SPTBN4: variants seen among roughly 807,000 people sequenced by gnomAD.
SPTBN4 encodes spectrin beta, non-erythrocytic 4.
Under a neutral mutation model 277.8 loss-of-function variants are expected in SPTBN4, and 96 were observed. That is an observed-to-expected ratio of 0.35 (90% CI 0.29 to 0.41). The LOEUF (loss-of-function observed/expected upper bound fraction) is 0.41. Among genes scored for constraint, SPTBN4 ranks in the 10% least tolerant of loss-of-function variants. The pLI is 1.00. For missense variants in SPTBN4, 3,006 were observed against 3,595.7 expected (o/e 0.84, Z 4.19); for synonymous variants, 1,481 against 1,580.3 (o/e 0.94, Z 1.49).
At chr19:40,488,189 C>G (rs1300939071) in intron 3 of SPTBN4, among the ~76,000 whole-genome samples, 1 of 150,836 alleles carries the variant, frequency 6.6e-6, no homozygotes, top group Non-Finnish European at 1.5e-5. Flanking sequence ...GGGACTGGCC[C>G]GGGTTATGAG....
intron 7 of SPTBN4, among the ~76,000 whole-genome samples, chr19:40,498,051 A>C (rs1478053392): frequency 6.6e-6 from 1 of 151,274 alleles, no homozygotes; most frequent in African/African-American, 2.4e-5. Flanking sequence ...TTCGGCTCCA[A>C]CTCCATTCCT....
chr19:40,521,753 G>A (rs2080529291), intron 16 of SPTBN4, among the ~76,000 whole-genome samples: 1 of 152,126 alleles, frequency 6.6e-6, no homozygotes, highest in Non-Finnish European at 1.5e-5. Context: ...AGGACAGAGA[G>A]CCCCTGAATC....
At chr19:40,478,162 T>C (rs2079969960) in intron 2 of SPTBN4, among the ~76,000 whole-genome samples, 1 of 152,066 alleles carries the variant, frequency 6.6e-6, no homozygotes, top group Admixed American at 6.6e-5. Flanking sequence ...TAAAGGGCCT[T>C]GCGGGGTACC....
intron 16 of SPTBN4, among the ~76,000 whole-genome samples, chr19:40,521,032 C>T (rs2080520869): frequency 6.6e-6 from 1 of 152,074 alleles, no homozygotes; most frequent in Admixed American, 6.6e-5. Flanking sequence ...TCAAACGATT[C>T]TCCTGCCTCA....
chr19:40,540,753 G>A (rs1348753998), intron 20 of SPTBN4, among the ~76,000 whole-genome samples: 2 of 139,392 alleles, frequency 1.4e-5, no homozygotes, highest in Non-Finnish European at 3.0e-5. Context: ...GGTTGAAGCT[G>A]CAGTGAGCTG....
intron 18 of SPTBN4, chr19:40,530,733 C>A (rs2080658146): frequency 4.2e-6 from 1 of 235,766 alleles, no homozygotes; most frequent in Non-Finnish European, 6.9e-6. Context: ...GGCGCCCGGA[C>A]CCCCACCCTG....
chr19:40,510,339 C>G (rs571272555), intron 13 of SPTBN4, among the ~76,000 whole-genome samples: 1 of 152,000 alleles, frequency 6.6e-6, no homozygotes, highest in Non-Finnish European at 1.5e-5. Flanking sequence ...GAGTCTCACT[C>G]TGTTGCCCAG....
intron 18 of SPTBN4, among the ~76,000 whole-genome samples, chr19:40,532,177 G>A (rs2080682900): frequency 6.6e-6 from 1 of 151,496 alleles, no homozygotes; most frequent in Non-Finnish European, 1.5e-5. Context: ...TCTTGAATTG[G>A]TCCTTATTGG....
At chr19:40,470,739 T>C (rs1294052531) in intron 1 of SPTBN4, among the ~76,000 whole-genome samples, 1 of 151,872 alleles carries the variant, frequency 6.6e-6, no homozygotes, top group Non-Finnish European at 1.5e-5. Context: ...TTCAAACGAT[T>C]CTCCTCCCTC....
intron 1 of SPTBN4, 67 bp from the exon 2 acceptor site, chr19:40,472,540 C>A: frequency 7.0e-7 from 1 of 1,429,874 alleles, no homozygotes; most frequent in Non-Finnish European, 9.4e-7. Context: ...GGGGACAGGA[C>A]TCAAAGCCAG....
intron 27 of SPTBN4, among the ~76,000 whole-genome samples, chr19:40,563,525 T>A (rs1403923220): frequency 6.6e-6 from 1 of 151,982 alleles, no homozygotes; most frequent in African/African-American, 2.4e-5. Context: ...AGTAATACAT[T>A]TTTATTTAAC....
At chr19:40,573,005 G>A (rs890305728) in intron 35 of SPTBN4, among the ~76,000 whole-genome samples, 3 of 151,618 alleles carry the variant, frequency 2.0e-5, no homozygotes, top group African/African-American at 7.3e-5. Context: ...GACAGTGGGG[G>A]TCTAAAAAAA....
intron 20 of SPTBN4, among the ~76,000 whole-genome samples, chr19:40,537,236 G>A (rs1011833323): frequency 6.6e-6 from 1 of 152,038 alleles, no homozygotes; most frequent in African/African-American, 2.4e-5. Context: ...TCTCGAACTC[G>A]TGGCCTCAGG....
At chr19:40,562,967 T>C (rs570096379) in intron 27 of SPTBN4, among the ~76,000 whole-genome samples, 106 of 152,110 alleles carry the variant, frequency 7.0e-4, no homozygotes, top group Non-Finnish European at 1.3e-3. Context: ...ATCCCAACAC[T>C]GGGAGGCCAA....
In SPTBN4 at chr19:40,502,347, G is replaced by C. The variant is rs1438019393; in HGVS notation, c.1085+32G>C. ...CCCAGCTCTGGAGGGAGGGTGGGCAGGGGTGGCATGACGGCAGGGCTCCTG... is the reference window on the plus strand; with the variant it reads ...CCCAGCTCTGGAGGGAGGGTGGGCACGGGTGGCATGACGGCAGGGCTCCTG... On this transcript the variant is annotated intron_variant, in intron 9 of 35. Transcript: ENST00000598249. The surrounding 1 kb of genome is among the most constrained non-coding windows in gnomAD (Gnocchi z 4.9). The C allele has an allele frequency of 1.9e-5, 30 of 1,609,536 alleles. No individual in the cohort carries two copies. In the Admixed American group the frequency reaches 5.0e-4, roughly 27 times the overall value.
rs1318607156 is a variant in SPTBN4 at position 40,502,895 on chromosome 19, G to A, written c.1324G>A (p.Glu442Lys). The change falls in exon 11 of 36, where the codon GAG becomes AAG. Residue 442 changes from glutamate (E) to lysine (K), a missense_variant. Around this residue, in one of 5 missense-constraint regions of SPTBN4, gnomAD observed 1,759 missense variants for 2,061.5 expected, o/e 0.85. Coordinates refer to ENST00000598249, the MANE Select transcript of SPTBN4 (RefSeq NM_020971.3). This position sits in a 1 kb window ranked among gnomAD's most constrained non-coding sequence, Gnocchi z 4.9. ...QRFDHKVAMR[E>K]SWLNENQRLV... is the part of the protein sequence containing the mutation. ...GTTTGACCACAAGGTGGCTATGAGG[G>A]AGAGCTGGCTGAATGAGAACCAGCG... 8.1e-6 allele frequency: 13 copies of A among 1,613,770 alleles called. No homozygotes were observed. The highest frequency in any genetic ancestry group is 1.1e-5 in the Non-Finnish European group (13 of 1,180,026).
chr19:40,496,871 G>A (rs2080202837), intron 6 of SPTBN4, among the ~76,000 whole-genome samples: 3 of 151,662 alleles, frequency 2.0e-5, no homozygotes, highest in African/African-American at 4.8e-5. Context: ...TCAGGAGTTC[G>A]AGACCAGCCT....
intron 17 of SPTBN4, 145 bp downstream of exon 17, chr19:40,523,784 T>C (rs1218276896): frequency 2.5e-6 from 2 of 812,140 alleles, no homozygotes; most frequent in East Asian, 2.8e-5. Flanking sequence ...TTTAATTCCA[T>C]GTTGTCTTAG....
intron 35 of SPTBN4, among the ~76,000 whole-genome samples, chr19:40,575,183 T>C (rs2081189753): frequency 6.6e-6 from 1 of 152,186 alleles, no homozygotes; most frequent in Admixed American, 6.6e-5. Context: ...TTTATCTCTG[T>C]AGTAGGAAGT....
Sources: gnomAD v4.1 joint callset for allele counts (sites outside exome capture counted in the v4.1 genomes callset) on GRCh38, gnomAD v4.1.1 for gene constraint, gnomAD v4.1.1 regional missense constraint, Gnocchi (gnomAD v3.1) non-coding constraint, MANE v1.5 for transcripts, NCBI Gene and HGNC (gene_info 2026-07-23, HGNC 2026-07-21) for gene names.